The following CHD5 variants were observed in gnomAD, a reference collection of about 807,000 sequenced individuals.
CHD5 encodes chromodomain helicase DNA binding protein 5, also known as ATP-dependent chromatin remodeler CHD5.
CHD5 carries 69 observed loss-of-function variants against 230.3 expected under a neutral mutation model. That is an observed-to-expected ratio of 0.30 (90% CI 0.25 to 0.37). The LOEUF (loss-of-function observed/expected upper bound fraction) is 0.37, where lower values mean the gene tolerates loss of function less well. CHD5 is among the 10% of genes least tolerant of loss of function. The pLI is 1.00. For missense variants in CHD5, 1,827 were observed against 2,622.8 expected, an observed-to-expected ratio of 0.70 and a Z score of 6.63; for synonymous variants, 1,064 against 1,065.9, an observed-to-expected ratio of 1.00 and a Z score of 0.03.
rs1454444445 is a variant in CHD5, at chr1:6,121,150, C to T, written c.4867G>A (p.Glu1623Lys). ...SKERAREERP[E>K]ETEKAPPSPE... is the part of the protein sequence containing the mutation. The stretch of plus-strand genomic sequence containing the variant: ...GAGGGCGGGGCCTTCTCCGTCTCCT[C>T]TGGCCGCTCCTCTCGGGCTCTCTCC... Residue 1623 changes from glutamate to lysine, a missense_variant, in exon 33 of 42, where the codon GAG becomes AAG. Physicochemically the swap from Glu to Lys is moderately conservative, Grantham distance 56. Transcript: ENST00000262450. This position sits in a 1 kb window ranked among gnomAD's most constrained non-coding sequence, Gnocchi z 4.5. 1.9e-6 allele frequency: 3 copies of T among 1,613,806 alleles called. No homozygotes were observed. The highest frequency in any genetic ancestry group is 2.5e-6 in the Non-Finnish European group (3 of 1,179,876).
chr1:6,128,694 G>A lies in CHD5; in HGVS notation c.3620-85C>T. The stretch of plus-strand genomic sequence containing the variant: ...GCAGTGCCCAGAGACACCACCCTGG[G>A]CTGTCCTAGCCAGGAGATACAGGTG... On this transcript the variant is annotated intron_variant, in intron 23 of 41. Transcript: ENST00000262450. This position sits in a 1 kb window ranked among gnomAD's most constrained non-coding sequence, Gnocchi z 7.8. The A allele has an allele frequency of 7.6e-7, 1 of 1,316,342 alleles. No individual in the cohort carries two copies. Among genetic ancestry groups the A allele is most frequent in the Non-Finnish European group, 1.1e-6 (1 of 923,156 alleles). The allele number at this position is 1,316,342 out of a possible 1,614,324, so 81.5% of individuals were successfully genotyped here.
chr1:6,162,052 G>A (rs1252810710), intron 2 of CHD5, among the ~76,000 whole-genome samples: 7 of 152,204 alleles, frequency 4.6e-5, no homozygotes. Context: ...TGTGAACTGG[G>A]AATGCCAGAA....
intron 9 of CHD5, among the ~76,000 whole-genome samples, chr1:6,148,515 A>G (rs772121463): frequency 6.6e-6 from 1 of 152,220 alleles, no homozygotes; most frequent in South Asian, 2.1e-4. Flanking sequence ...CAGAATACTC[A>G]GTAATGTTAA....
chr1:6,125,365 A>G lies in CHD5; in HGVS notation c.4261-132T>C, dbSNP rs1455199519. ...GGGCACAGAGAAGGCAGGGGCCTCC[A>G]CCTGGGGCAGGACCCTGACGGCGAA... On this transcript the variant is annotated intron_variant, in intron 28 of 41. Coordinates refer to ENST00000262450, the MANE Select transcript of CHD5 (RefSeq NM_015557.3). The surrounding 1 kb of genome is among the most constrained non-coding windows in gnomAD (Gnocchi z 6.7). 2.5e-6 allele frequency: 3 copies of G among 1,196,390 alleles called. No individual in the cohort carries two copies. The African/African-American group carries it at 4.6e-5, about 18-fold the overall frequency. 74.1% of individuals were successfully genotyped at this position (1,196,390 alleles called of 1,614,324 possible). A position where few individuals can be genotyped will look rare whatever the true frequency, so the allele number is the denominator to read the frequency against.
In CHD5 at chr1:6,101,929, A is replaced by G; in HGVS notation, c.*3545T>C. The stretch of plus-strand genomic sequence containing the variant: ...CCAGACAAGCCACGGCTCACAGGGG[A>G]GCCTGGCTTCCAAAGCTGGACCCGC... On this transcript the variant is annotated 3_prime_UTR_variant, in exon 42 of 42. Transcript: ENST00000262450. 1 of 397,454 alleles carries G rather than the reference A, an allele frequency of 2.5e-6. No homozygotes were observed. Among genetic ancestry groups the G allele is most frequent in the Admixed American group, 3.1e-5 (1 of 32,526 alleles). The allele number at this position is 397,454 out of a possible 1,614,324, so 24.6% of individuals were successfully genotyped here.
At position 6,105,548 on chromosome 1, in the gene CHD5, C is replaced by A. The variant is rs936252907; in HGVS notation, c.*47-121G>T. The A allele has an allele frequency of 2.9e-6, 1 of 347,776 alleles. No homozygotes were observed. The highest frequency in any genetic ancestry group is 2.2e-5 in the African/African-American group (1 of 46,010). 21.5% of individuals were successfully genotyped at this position (347,776 alleles called of 1,614,324 possible). A position where few individuals can be genotyped will look rare whatever the true frequency, so the allele number is the denominator to read the frequency against. On this transcript the variant is annotated intron_variant, in intron 41 of 41. Coordinates refer to ENST00000262450, the MANE Select transcript of CHD5 (RefSeq NM_015557.3). This position sits in a 1 kb window ranked among gnomAD's most constrained non-coding sequence, Gnocchi z 4.8. ...AACCAACTATGATCGGGGTGCCCCC[C>A]AGCCATGACCTCCCAGCCACAGGCT...
chr1:6,119,236 C>A (rs1666426863), intron 33 of CHD5, among the ~76,000 whole-genome samples: 1 of 151,892 alleles, frequency 6.6e-6, no homozygotes, highest in African/African-American at 2.4e-5. Flanking sequence ...GTAGCTGGGA[C>A]TACTGGCGCT....
chr1:6,112,335 C>T, intron 34 of CHD5, 58 bp from the exon 35 acceptor site: 1 of 1,594,448 alleles, frequency 6.3e-7, no homozygotes, highest in Non-Finnish European at 8.6e-7. Flanking sequence ...TGCCCAGCGG[C>T]CTCTCTCTGC....
intron 2 of CHD5, among the ~76,000 whole-genome samples, chr1:6,163,884 C>A (rs1018516036): frequency 6.6e-6 from 1 of 152,216 alleles, no homozygotes; most frequent in East Asian, 1.9e-4. Flanking sequence ...GCTGCAGCAG[C>A]CTTAGGCGTG....
intron 1 of CHD5, among the ~76,000 whole-genome samples, chr1:6,171,206 G>A (rs756236843): frequency 8.5e-5 from 13 of 152,218 alleles, no homozygotes; most frequent in East Asian, 1.9e-4. Flanking sequence ...GGATCTGCCC[G>A]TGGGTAAGGG....
rs1200082377 is a variant in CHD5, at chr1:6,154,788, G to A, written c.617C>T (p.Ala206Val). 9.9e-6 allele frequency: 16 copies of A among 1,613,418 alleles called. No homozygotes were observed. Among genetic ancestry groups the A allele is most frequent in the African/African-American group, 2.7e-5 (2 of 74,906 alleles). The change falls in exon 5 of 42, where the codon GCG (alanine) becomes GTG (valine). Residue 206 changes from alanine (A) to valine (V), a missense_variant. Around this residue, in one of 14 missense-constraint regions of CHD5, gnomAD observed 657 missense variants for 816.4 expected, o/e 0.80. Transcript: ENST00000262450. This position sits in a 1 kb window ranked among gnomAD's most constrained non-coding sequence, Gnocchi z 7.0. Reference protein sequence around the residue: ...SANNPFKGSSAAAAAAAVAAA... With the variant: ...SANNPFKGSSVAAAAAAVAAA... ...AGCCACCGCCGCCGCCGCTGCTGCC[G>A]CGGAGCTGCCCTTGAAGGGGTTGTT... is the stretch of plus-strand genomic sequence containing the variant.
intron 1 of CHD5, among the ~76,000 whole-genome samples, chr1:6,170,265 A>T (rs1275076533): frequency 6.6e-6 from 1 of 151,452 alleles, no homozygotes; most frequent in Non-Finnish European, 1.5e-5. Context: ...TGCACCCAAC[A>T]CTCACCTGTC....
In CHD5 at chr1:6,160,901, CA is replaced by C. The variant is rs199957117; in HGVS notation, c.208-1387del. On this transcript the variant is annotated intron_variant, in intron 2 of 41. Transcript: ENST00000262450. Reference sequence around the variant, plus strand: ...GTGGTTTACTTGTGGCCTTTAGAGACACAAGTCAACTGGCGAAGCCCTCCAC... The same window carrying C: ...GTGGTTTACTTGTGGCCTTTAGAGACCAAGTCAACTGGCGAAGCCCTCCAC... Among the ~76,000 whole-genome samples the C allele has an allele frequency of 5.7e-3, 864 of 152,322 alleles. 6 individuals are homozygous for C. The highest frequency in any genetic ancestry group is 0.019 in the African/African-American group (809 of 41,570).
intron 3 of CHD5, among the ~76,000 whole-genome samples, chr1:6,159,006 CAAAAAAAA>C (rs35569300): frequency 3.1e-5 from 2 of 63,642 alleles, no homozygotes; most frequent in Non-Finnish European, 5.6e-5. Flanking sequence ...GACTCCGTCT[CAAAAAAAA>C]AAAAAAAAAA....
At chr1:6,149,601 A>AGAAG (rs750028941) in intron 7 of CHD5, among the ~76,000 whole-genome samples, 189 bp from the exon 8 acceptor site, 1 of 152,120 alleles carries the variant, frequency 6.6e-6, no homozygotes, top group African/African-American at 2.4e-5. Context: ...ATAAAAGGAA[A>AGAAG]GAAGGAAGGA....
rs138969721 is a variant in CHD5 at position 6,118,577 on chromosome 1, G to A, written c.4912+2528C>T. ...GGGGCTGGGAGGAAGAGGAAGAAATGGGGAGTGATTACCAATGGGTAAGAA... is the reference window on the plus strand; with the variant it reads ...GGGGCTGGGAGGAAGAGGAAGAAATAGGGAGTGATTACCAATGGGTAAGAA... On this transcript the variant is annotated intron_variant, in intron 33 of 41. Coordinates refer to ENST00000262450, the MANE Select transcript of CHD5 (RefSeq NM_015557.3). Among the ~76,000 whole-genome samples the A allele has an allele frequency of 1.0e-3, 156 of 152,264 alleles. 1 individual carries two copies. Among genetic ancestry groups the A allele is most frequent in the African/African-American group, 3.5e-3 (147 of 41,554 alleles).
intron 11 of CHD5, among the ~76,000 whole-genome samples, chr1:6,144,952 A>C (rs1355755543): frequency 1.3e-5 from 2 of 152,192 alleles, no homozygotes; most frequent in East Asian, 3.8e-4. Flanking sequence ...AATCTGGGGG[A>C]GATTCACCTG....
rs1339795680 is a variant in CHD5, at chr1:6,125,718, C to T, written c.4171+48G>A. The T allele has an allele frequency of 6.3e-7, 1 of 1,589,166 alleles. No individual in the cohort carries two copies. Among genetic ancestry groups the T allele is most frequent in the Non-Finnish European group, 8.6e-7 (1 of 1,157,566 alleles). On this transcript the variant is annotated intron_variant, in intron 27 of 41. Coordinates refer to ENST00000262450, the MANE Select transcript of CHD5 (RefSeq NM_015557.3). This position sits in a 1 kb window ranked among gnomAD's most constrained non-coding sequence, Gnocchi z 6.7. ...CCCCGCTCCTGCTGCCATCAGCTCC[C>T]CTGACATGGCCTCAGCAGTAGCCCA...
chr1:6,107,156 T>C (rs1457031979), intron 38 of CHD5, among the ~76,000 whole-genome samples: 1 of 101,066 alleles, frequency 9.9e-6, no homozygotes, highest in Non-Finnish European at 1.9e-5. Flanking sequence ...GGAGCGAAGA[T>C]GGAGGGATGG....
Sources: allele counts gnomAD v4.1 joint callset (sites outside exome capture counted in the v4.1 genomes callset), GRCh38; gene constraint gnomAD v4.1.1; regional missense constraint gnomAD v4.1.1; non-coding constraint Gnocchi (gnomAD v3.1); transcripts MANE v1.5; gene names NCBI Gene and HGNC (gene_info 2026-07-23, HGNC 2026-07-21).